Variants in AK7 observed in about 807,000 individuals in gnomAD.
AK7 encodes ATP-AMP transphosphorylase 7.
Under a neutral mutation model 96.6 loss-of-function variants are expected in AK7, and 78 were observed. That is an observed-to-expected ratio of 0.81 (90% CI 0.67 to 0.97). AK7 has a LOEUF of 0.97. Ranked by LOEUF, AK7 falls within the 50% of genes least tolerant of loss-of-function variation. AK7 has a pLI of 0.00. For synonymous variants in AK7, 302 were observed against 317.2 expected (o/e 0.95, Z 0.51); for missense variants, 855 against 887.9 (o/e 0.96, Z 0.47).
In AK7 at chr14:96,398,170, C is replaced by T. The variant is rs1260929736; in HGVS notation, c.201C>T (p.Ser67=). The T allele has an allele frequency of 2.5e-6, 4 of 1,614,044 alleles. No individual in the cohort carries two copies. The highest frequency in any genetic ancestry group is 2.2e-5 in the East Asian group (1 of 44,888). Reference sequence around the variant, plus strand: ...ATAAGTCAGCTATGCTGGAAGCTTCCTCAACCAAAGTGAAGGAAGGCACAT... The same window carrying T: ...ATAAGTCAGCTATGCTGGAAGCTTCTTCAACCAAAGTGAAGGAAGGCACAT... ...DENKSAMLEA[S]STKVKEGTFQ... Residue 67 remains serine (S), a synonymous_variant, in exon 2 of 18, where the codon TCC becomes TCT. Transcript: ENST00000267584.
At chr14:96,439,501 A>G (rs1467995791) in intron 6 of AK7, among the ~76,000 whole-genome samples, 3 of 152,058 alleles carry the variant, frequency 2.0e-5, no homozygotes, top group African/African-American at 7.2e-5. Flanking sequence ...CGTCTCTACT[A>G]AAAATACAAA....
intron 5 of AK7, among the ~76,000 whole-genome samples, chr14:96,437,183 A>G (rs192181682): frequency 2.0e-5 from 3 of 152,286 alleles, no homozygotes; most frequent in Admixed American, 2.0e-4. Flanking sequence ...TAACTGAACT[A>G]TAGATTTTTA....
intron 12 of AK7, among the ~76,000 whole-genome samples, chr14:96,466,223 T>C (rs1023760852): frequency 2.0e-5 from 3 of 151,206 alleles, no homozygotes; most frequent in African/African-American, 7.3e-5. Flanking sequence ...ATGTTTTTAA[T>C]TTTTATTACT....
At chr14:96,454,881 T>C (rs549115464) in intron 10 of AK7, among the ~76,000 whole-genome samples, 2 of 152,138 alleles carry the variant, frequency 1.3e-5, no homozygotes, top group South Asian at 4.1e-4. Flanking sequence ...TTAAAAATAA[T>C]TGGCCAGGTG....
chr14:96,445,554 G>C (rs766152233), intron 7 of AK7, among the ~76,000 whole-genome samples: 2 of 152,152 alleles, frequency 1.3e-5, no homozygotes, highest in Non-Finnish European at 2.9e-5. Flanking sequence ...CAGCTACCCG[G>C]GAGGTGGAGG....
chr14:96,444,376 A>T (rs1017764883), intron 7 of AK7, among the ~76,000 whole-genome samples: 4 of 152,198 alleles, frequency 2.6e-5, no homozygotes, highest in African/African-American at 9.6e-5. Context: ...ACGTCCAAAC[A>T]TAAATTAGAG....
intron 9 of AK7, 127 bp downstream of exon 9, chr14:96,450,006 G>A: frequency 1.4e-6 from 1 of 719,320 alleles, no homozygotes; most frequent in Non-Finnish European, 2.3e-6. Context: ...GGAGTCAGAA[G>A]GCCTGGGTTC....
At chr14:96,451,642 C>A in intron 10 of AK7, 72 bp downstream of exon 10, 1 of 1,308,134 alleles carries the variant, frequency 7.6e-7, no homozygotes, top group Non-Finnish European at 9.9e-7. Flanking sequence ...GTGATGATGC[C>A]AACGGAAGTA....
intron 5 of AK7, among the ~76,000 whole-genome samples, chr14:96,425,475 C>T (rs1051275599): frequency 1.5e-5 from 2 of 134,054 alleles, no homozygotes; most frequent in Non-Finnish European, 3.1e-5. Flanking sequence ...TAATGAGTCA[C>T]ACTGATTTTT....
chr14:96,448,647 A>AAG (rs1893388608), intron 8 of AK7, among the ~76,000 whole-genome samples: 1 of 147,204 alleles, frequency 6.8e-6, no homozygotes, highest in Non-Finnish European at 1.5e-5. Context: ...AAAAAAAAAA[A>AAG]AAAAAAAAAA....
chr14:96,465,777 C>T (rs897716611), intron 12 of AK7, among the ~76,000 whole-genome samples: 1 of 151,820 alleles, frequency 6.6e-6, no homozygotes, highest in Non-Finnish European at 1.5e-5. Flanking sequence ...TTTGGGAGGC[C>T]GAGGCAGGCA....
At chr14:96,482,425 C>T (rs1412655159) in intron 15 of AK7, among the ~76,000 whole-genome samples, 3 of 152,118 alleles carry the variant, frequency 2.0e-5, no homozygotes, top group African/African-American at 7.2e-5. Context: ...AATTTACCAC[C>T]TCAGTGACCG....
intron 12 of AK7, among the ~76,000 whole-genome samples, chr14:96,459,838 C>G (rs1340387105): frequency 6.6e-6 from 1 of 151,854 alleles, no homozygotes; most frequent in Non-Finnish European, 1.5e-5. Flanking sequence ...GATCGCACCA[C>G]TGTACTCTAG....
chr14:96,446,309 C>A (rs1259296513), intron 7 of AK7, among the ~76,000 whole-genome samples: 1 of 152,182 alleles, frequency 6.6e-6, no homozygotes, highest in Non-Finnish European at 1.5e-5. Flanking sequence ...AGCTCTTCAG[C>A]CTGAGAAATG....
At position 96,488,952 on chromosome 14, in the gene AK7, A is replaced by G. The variant is rs1895925047; in HGVS notation, c.*609A>G. 6.6e-6 allele frequency: 1 copy of G among 152,048 alleles called. No individual in the cohort carries two copies. Among genetic ancestry groups the G allele is most frequent in the Non-Finnish European group, 1.5e-5 (1 of 68,038 alleles). 9.4% of individuals were successfully genotyped at this position (152,048 alleles called of 1,614,324 possible). On this transcript the variant is annotated 3_prime_UTR_variant, in exon 18 of 18. Transcript: ENST00000267584. ...TAGGCGGAGAAATCTGCATAACAGG[A>G]TAATTCCAATCTTTGTGATAAGTGA...
At chr14:96,393,709 A>G (rs1889889130) in intron 1 of AK7, among the ~76,000 whole-genome samples, 2 of 152,180 alleles carry the variant, frequency 1.3e-5, no homozygotes, top group Admixed American at 6.5e-5. Context: ...ACTTGATTAC[A>G]TCTGCAAAGA....
intron 4 of AK7, among the ~76,000 whole-genome samples, chr14:96,413,608 C>G (rs375865751): frequency 6.6e-6 from 1 of 152,170 alleles, no homozygotes; most frequent in South Asian, 2.1e-4. Flanking sequence ...CTCCAGGTGA[C>G]GTGGTTTCCC....
At chr14:96,457,954 A>G (rs1277907862) in intron 11 of AK7, 129 bp from the exon 12 acceptor site, 1 of 1,312,380 alleles carries the variant, frequency 7.6e-7, no homozygotes. Flanking sequence ...AAAATTTTGC[A>G]TGACAGCTGT....
intron 12 of AK7, among the ~76,000 whole-genome samples, chr14:96,469,358 T>C (rs952484817): frequency 2.0e-5 from 3 of 151,914 alleles, no homozygotes; most frequent in Admixed American, 6.6e-5. Flanking sequence ...CTGTCCCTAC[T>C]AAAAAATACA....
Sources: gnomAD v4.1 joint callset for allele counts (sites outside exome capture counted in the v4.1 genomes callset) on GRCh38, gnomAD v4.1.1 for gene constraint, MANE v1.5 for transcripts, NCBI Gene and HGNC (gene_info 2026-07-23, HGNC 2026-07-21) for gene names.